The following MRPL34 variants were observed in gnomAD, a reference collection of about 807,000 sequenced individuals.
MRPL34 encodes large ribosomal subunit protein bL34m.
MRPL34 carries 8 observed loss-of-function variants against 6.7 expected under a neutral mutation model. The ratio of observed to expected loss-of-function variants is 1.20; its 90% CI spans 0.70 to 2.16. The LOEUF (loss-of-function observed/expected upper bound fraction) is 2.16. MRPL34 is among the 30% of genes most tolerant of loss of function. The pLI is 0.00. For synonymous variants in MRPL34, 59 were observed against 55.1 expected (o/e 1.07, Z -0.31); for missense variants, 146 against 125.5 (o/e 1.16, Z -0.78).
At chr19:17,304,054 G>A (rs1002871148), upstream of MRPL34, among the ~76,000 whole-genome samples, 4 of 152,076 alleles carry the variant, frequency 2.6e-5, no homozygotes, top group African/African-American at 9.7e-5. Context: ...CTCGTCTACG[G>A]CCTCCCAAAG....
chr19:17,305,091 G>C (rs751132453), upstream of MRPL34, among the ~76,000 whole-genome samples: 1 of 152,140 alleles, frequency 6.6e-6, no homozygotes, highest in African/African-American at 2.4e-5. Flanking sequence ...GCAGAGAGGA[G>C]AGTGTGGCTG....
upstream of MRPL34, among the ~76,000 whole-genome samples, chr19:17,303,748 C>T (rs1040601100): frequency 2.0e-5 from 3 of 152,202 alleles, no homozygotes; most frequent in East Asian, 5.8e-4. Flanking sequence ...TGCCCTGTTC[C>T]TCTCCAAACG....
In MRPL34 at chr19:17,306,538, C is replaced by A; in HGVS notation, c.*159C>A. 1 of 641,340 alleles carries A rather than the reference C, an allele frequency of 1.6e-6. No individual in the cohort carries two copies. The highest frequency in any genetic ancestry group is 2.6e-6 in the Non-Finnish European group (1 of 386,610). 39.7% of individuals were successfully genotyped at this position (641,340 alleles called of 1,614,324 possible). On this transcript the variant is annotated 3_prime_UTR_variant, in exon 2 of 2. Transcript: ENST00000252602. ...AGTCTGGATGGGAGCTTGCCAAGTCCCTTTTTAGGCTTTTTAATTAGGAAG... is the reference window on the plus strand; with the variant it reads ...AGTCTGGATGGGAGCTTGCCAAGTCACTTTTTAGGCTTTTTAATTAGGAAG...
upstream of MRPL34, among the ~76,000 whole-genome samples, chr19:17,304,285 C>T (rs1053866726): frequency 1.3e-5 from 2 of 152,210 alleles, no homozygotes; most frequent in East Asian, 1.9e-4. Context: ...GGTCTCAAAT[C>T]CAGCCTCTGC....
chr19:17,296,144 T>C (rs192403108), intron 1 of MRPL34: 10 of 152,082 alleles, frequency 6.6e-5, no homozygotes, highest in African/African-American at 2.2e-4. Context: ...AAAGTGTGAG[T>C]TTGAGTGTTG....
intron 1 of MRPL34, among the ~76,000 whole-genome samples, chr19:17,295,090 A>ATTTTTTTTTTTT (rs779607230): frequency 1.2e-5 from 1 of 80,412 alleles, no homozygotes; most frequent in African/African-American, 4.9e-5. Context: ...CACCCAGGTA[A>ATTTTTTTTTTTT]TTTTTTTTTT....
upstream of MRPL34, among the ~76,000 whole-genome samples, chr19:17,301,800 GTGTGTGTGTT>G (rs1420820833): frequency 2.1e-4 from 30 of 143,988 alleles, no homozygotes; most frequent in South Asian, 5.2e-3. Flanking sequence ...GTGTGTGTGT[GTGTGTGTGTT>G]TTTGAGACAG....
chr19:17,305,662 C>G, upstream of MRPL34: 1 of 581,468 alleles, frequency 1.7e-6, no homozygotes, highest in Non-Finnish European at 3.1e-6. Context: ...CAGAAGGCGC[C>G]GTTCGCCGGC....
At chr19:17,306,033 C>T in intron 1 of MRPL34, 76 bp downstream of exon 1, 4 of 1,572,254 alleles carry the variant, frequency 2.5e-6, no homozygotes, top group Non-Finnish European at 3.5e-6. Context: ...TCTTCACTGC[C>T]CGCGTGACCT....
chr19:17,296,969 A>G (rs1353525119), intron 1 of MRPL34, among the ~76,000 whole-genome samples: 1 of 152,192 alleles, frequency 6.6e-6, no homozygotes, highest in Non-Finnish European at 1.5e-5. Flanking sequence ...TGCTGGGATT[A>G]GAGGCGTGAG....
chr19:17,294,591 T>G lies in MRPL34; in HGVS notation c.214+1737T>G. The G allele has an allele frequency of 5.6e-6, 9 of 1,607,372 alleles. No individual in the cohort carries two copies. The South Asian group carries it at 8.8e-5, about 16-fold the overall frequency. On this transcript the variant is annotated intron_variant, in intron 1 of 2. Transcript: ENST00000595444. Reference sequence around the variant, plus strand: ...CCGATGCCAGCCCTAGTCCCAGCGGTACAGTCCCCCCTCCCATCCAACTCG... The same window carrying G: ...CCGATGCCAGCCCTAGTCCCAGCGGGACAGTCCCCCCTCCCATCCAACTCG...
chr19:17,301,676 C>T, upstream of MRPL34: 1 of 1,477,390 alleles, frequency 6.8e-7, no homozygotes, highest in Non-Finnish European at 8.9e-7. Context: ...GAGAACCCTG[C>T]ACCGTGCAGC....
upstream of MRPL34, among the ~76,000 whole-genome samples, chr19:17,304,295 C>T (rs568058158): frequency 5.8e-4 from 88 of 152,312 alleles, no homozygotes; most frequent in Non-Finnish European, 1.1e-3. Flanking sequence ...CCAGCCTCTG[C>T]CCTTTGCTGA....
upstream of MRPL34, chr19:17,300,839 T>C: frequency 6.4e-7 from 1 of 1,570,678 alleles, no homozygotes; most frequent in East Asian, 2.3e-5. Flanking sequence ...CCACCCCACA[T>C]GCCAGGGTTC....
At chr19:17,300,085 T>A (rs2074110773), upstream of MRPL34, among the ~76,000 whole-genome samples, 1 of 151,628 alleles carries the variant, frequency 6.6e-6, no homozygotes, top group African/African-American at 2.4e-5. Flanking sequence ...TTTGTATTTT[T>A]AGTAGAGACA....
At chr19:17,292,724 C>T (rs774760937) in exon 1 of MRPL34, 3 of 1,613,606 alleles carry the variant, frequency 1.9e-6, no homozygotes, top group African/African-American at 1.3e-5. Context: ...AGGGCTCGGG[C>T]TCCCAGAGCA....
Position 17,306,120 on chromosome 19 carries a change from C to T in MRPL34, c.66-46C>T, listed in dbSNP as rs561913272. 59 of 1,490,346 alleles carry T rather than the reference C, an allele frequency of 4.0e-5. No individual in the cohort carries two copies. The African/African-American group carries it at 6.2e-4, about 16-fold the overall frequency. The allele number at this position is 1,490,346 out of a possible 1,614,324, so 92.3% of individuals were successfully genotyped here. On this transcript the variant is annotated intron_variant, in intron 1 of 1. Coordinates refer to ENST00000252602, the MANE Select transcript of MRPL34 (RefSeq NM_023937.4). ...TCAGAGAGGTTGAGCGCCAAGGTCA[C>T]CCAGCGCCCCGTCTGACCTTTCTCG...
At chr19:17,301,191 ACTGCCGCTGCCG>A, upstream of MRPL34, 1 of 1,604,594 alleles carries the variant, frequency 6.2e-7, no homozygotes, top group Non-Finnish European at 8.5e-7. Context: ...CACCACTGCC[ACTGCCGCTGCCG>A]CTGCCTGCGC....
upstream of MRPL34, chr19:17,301,090 A>T: frequency 6.2e-7 from 1 of 1,613,442 alleles, no homozygotes; most frequent in South Asian, 1.1e-5. Flanking sequence ...AAAGAGCACC[A>T]CGTCGGCCTG....
Sources: allele counts gnomAD v4.1 joint callset (sites outside exome capture counted in the v4.1 genomes callset), GRCh38; gene constraint gnomAD v4.1.1; transcripts MANE v1.5; gene names NCBI Gene and HGNC (gene_info 2026-07-23, HGNC 2026-07-21).